PLXDC1: variants seen among roughly 807,000 people sequenced by gnomAD.
The protein encoded by PLXDC1 is plexin domain containing 1.
Under a neutral mutation model 61.3 loss-of-function variants are expected in PLXDC1, and 39 were observed. The ratio of observed to expected loss-of-function variants is 0.64; its 90% CI spans 0.49 to 0.83. The LOEUF is 0.83. Ranked by LOEUF, PLXDC1 falls within the 40% of genes least tolerant of loss-of-function variation. The probability of loss-of-function intolerance (pLI) is 0.00; values close to 1 mark genes in which losing one functional copy is unlikely to be tolerated. For synonymous variants in PLXDC1, 212 were observed against 254.5 expected, an observed-to-expected ratio of 0.83 and a Z score of 1.59; for missense variants, 596 against 666.5, an observed-to-expected ratio of 0.89 and a Z score of 1.17.
chr17:39,139,576 G>T, intron 2 of PLXDC1, 78 bp downstream of exon 2: 1 of 1,347,118 alleles, frequency 7.4e-7, no homozygotes, highest in Non-Finnish European at 1.0e-6. Flanking sequence ...TTGCATGTAG[G>T]ACAAGCACAC....
intron 1 of PLXDC1, among the ~76,000 whole-genome samples, chr17:39,143,908 C>T (rs991723614): frequency 1.3e-5 from 2 of 152,194 alleles, no homozygotes; most frequent in African/African-American, 4.8e-5. Context: ...GGGCCCACAG[C>T]TGCTTCTGGA....
chr17:39,128,104 T>TATATAC (rs1446613104), intron 2 of PLXDC1, among the ~76,000 whole-genome samples: 44 of 87,236 alleles, frequency 5.0e-4, no homozygotes, highest in African/African-American at 1.7e-3. Flanking sequence ...TGTGTATATA[T>TATATAC]ATATATATAT....
At chr17:39,094,507 C>T (rs550117726) in intron 7 of PLXDC1, among the ~76,000 whole-genome samples, 61 of 152,084 alleles carry the variant, frequency 4.0e-4, no homozygotes, top group African/African-American at 1.4e-3. Flanking sequence ...GACCCGGCCC[C>T]ACTCTGAGTC....
rs186273583 is a variant in PLXDC1 at position 39,133,721 on chromosome 17, C to T, written c.255+5933G>A. On this transcript the variant is annotated intron_variant, in intron 2 of 13. Coordinates refer to ENST00000315392, the MANE Select transcript of PLXDC1 (RefSeq NM_020405.5). Reference sequence around the variant, plus strand: ...GCAGCCTCCAACACCTGGGCTCACGCGATCCTACAGCCTCAGCATCCCAAG... The same window carrying T: ...GCAGCCTCCAACACCTGGGCTCACGTGATCCTACAGCCTCAGCATCCCAAG... Among the ~76,000 whole-genome samples, 1,090 of 152,246 alleles carry T rather than the reference C, an allele frequency of 7.2e-3. 17 individuals are homozygous for T. Among genetic ancestry groups the T allele is most frequent in the African/African-American group, 0.025 (1,025 of 41,554 alleles).
intron 1 of PLXDC1, among the ~76,000 whole-genome samples, chr17:39,150,633 G>A (rs1333614529): frequency 1.3e-5 from 2 of 152,066 alleles, no homozygotes; most frequent in Non-Finnish European, 2.9e-5. Flanking sequence ...AGAACTGGTA[G>A]GGGGGAAGAG....
At chr17:39,091,536 G>T (rs568630070) in intron 7 of PLXDC1, among the ~76,000 whole-genome samples, 1 of 152,288 alleles carries the variant, frequency 6.6e-6, no homozygotes, top group Admixed American at 6.5e-5. Flanking sequence ...CCTCAGGAAA[G>T]CAGCTGGACA....
intron 7 of PLXDC1, among the ~76,000 whole-genome samples, chr17:39,093,070 TTTG>T (rs1365729641): frequency 6.6e-6 from 1 of 152,192 alleles, no homozygotes; most frequent in African/African-American, 2.4e-5. Flanking sequence ...TCTTTTTTGT[TTTG>T]TTTTGTTTTG....
chr17:39,063,331 G>T lies in PLXDC1; in HGVS notation c.*4509C>A. 1.7e-6 allele frequency: 1 copy of T among 598,124 alleles called. No homozygotes were observed. 37.1% of individuals were successfully genotyped at this position (598,124 alleles called of 1,614,324 possible). On this transcript the variant is annotated 3_prime_UTR_variant, in exon 14 of 14. Transcript: ENST00000315392. ...CAGCATAGACTTTCTCAGATTTATT[G>T]TATGTCCTCAGACAGTAGATAAAAA...
At chr17:39,150,365 T>G (rs560206493) in intron 1 of PLXDC1, among the ~76,000 whole-genome samples, 18 of 152,230 alleles carry the variant, frequency 1.2e-4, no homozygotes, top group African/African-American at 4.3e-4. Context: ...AGCACACTCC[T>G]GAGACACAGC....
chr17:39,152,712 C>T (rs1466511586), upstream of PLXDC1: 6 of 1,216,224 alleles, frequency 4.9e-6, no homozygotes, highest in African/African-American at 6.6e-5. Context: ...GGGATATGGG[C>T]GGGGACAGGA....
intron 6 of PLXDC1, 91 bp downstream of exon 6, chr17:39,107,316 C>T (rs1910630164): frequency 2.5e-5 from 19 of 768,628 alleles, no homozygotes; most frequent in South Asian, 5.2e-5. Flanking sequence ...AGCAGCAAGC[C>T]CCATGCCTGG....
chr17:39,076,452 G>A (rs1909339758), intron 11 of PLXDC1, among the ~76,000 whole-genome samples: 1 of 150,742 alleles, frequency 6.6e-6, no homozygotes, highest in Non-Finnish European at 1.5e-5. Context: ...TGCGGGCTGT[G>A]GTGAGCCATG....
At chr17:39,136,917 A>G (rs932235160) in intron 2 of PLXDC1, among the ~76,000 whole-genome samples, 1 of 152,236 alleles carries the variant, frequency 6.6e-6, no homozygotes, top group Non-Finnish European at 1.5e-5. Context: ...AGAGAGAAGA[A>G]AAAATTGAAG....
chr17:39,071,236 C>A (rs1390183419), intron 12 of PLXDC1, among the ~76,000 whole-genome samples: 2 of 152,180 alleles, frequency 1.3e-5, no homozygotes, highest in African/African-American at 4.8e-5. Context: ...GTGCCCACCA[C>A]TAAAAAACCT....
intron 8 of PLXDC1, among the ~76,000 whole-genome samples, chr17:39,087,384 G>A (rs994313895): frequency 3.9e-5 from 6 of 152,312 alleles, no homozygotes; most frequent in African/African-American, 1.4e-4. Flanking sequence ...ACCCATCAAT[G>A]TCAGAGCTGC....
At chr17:39,111,612 C>A (rs1384463874) in intron 2 of PLXDC1, among the ~76,000 whole-genome samples, 1 of 152,128 alleles carries the variant, frequency 6.6e-6, no homozygotes, top group Non-Finnish European at 1.5e-5. Context: ...CAGCCTTTCA[C>A]CCCTACCTCC....
chr17:39,093,852 G>A (rs561294919), intron 7 of PLXDC1, among the ~76,000 whole-genome samples: 22 of 152,184 alleles, frequency 1.4e-4, no homozygotes, highest in South Asian at 4.2e-4. Context: ...AGTAACTGCC[G>A]GGTGTCTACA....
chr17:39,085,440 T>G (rs749252432), intron 8 of PLXDC1, among the ~76,000 whole-genome samples: 3 of 152,210 alleles, frequency 2.0e-5, no homozygotes, highest in Non-Finnish European at 4.4e-5. Flanking sequence ...GTATGTCGAA[T>G]CAATATATAA....
In PLXDC1 at chr17:39,066,070, C is replaced by G. The variant is rs1908887362; in HGVS notation, c.*1770G>C. 1 of 152,212 alleles carries G rather than the reference C, an allele frequency of 6.6e-6. No homozygotes were observed. Among genetic ancestry groups the G allele is most frequent in the African/African-American group, 2.4e-5 (1 of 41,444 alleles). The allele number at this position is 152,212 out of a possible 1,614,324, so 9.4% of individuals were successfully genotyped here. On this transcript the variant is annotated 3_prime_UTR_variant, in exon 14 of 14. Transcript: ENST00000315392. ...AACAGAATCCACCTGCAGTTCCCTG[C>G]TAGGTATGTCTCAAGGAGCCCTCTA... is the stretch of plus-strand genomic sequence containing the variant.
Sources: allele counts gnomAD v4.1 joint callset (sites outside exome capture counted in the v4.1 genomes callset), GRCh38; gene constraint gnomAD v4.1.1; transcripts MANE v1.5; gene names NCBI Gene and HGNC (gene_info 2026-07-23, HGNC 2026-07-21).